XKR4: variants seen among roughly 807,000 people sequenced by gnomAD.
XKR4 encodes the protein XK-related protein 4.
Under a neutral mutation model 53.9 loss-of-function variants are expected in XKR4, and 12 were observed. The ratio of observed to expected loss-of-function variants is 0.22; its 90% CI spans 0.14 to 0.36. XKR4 has a LOEUF of 0.36. Among genes scored for constraint, XKR4 ranks in the 10% least tolerant of loss-of-function variants. XKR4 has a pLI of 1.00. For missense variants in XKR4, 799 were observed against 859.5 expected (o/e 0.93, Z 0.88); for synonymous variants, 354 against 362.4 (o/e 0.98, Z 0.26).
At chr8:55,386,829 C>T (rs1804324999) in intron 2 of XKR4, among the ~76,000 whole-genome samples, 1 of 152,156 alleles carries the variant, frequency 6.6e-6, no homozygotes, top group South Asian at 2.1e-4. Flanking sequence ...AGATTTTCAT[C>T]TAGGAAGAAA....
rs1002138531 is a variant in XKR4 at position 55,449,388 on chromosome 8, G to A, written c.1007-73893G>A. On this transcript the variant is annotated intron_variant, in intron 2 of 2. Transcript: ENST00000327381. ...AGGGCTGTACACACAAGTGCTGGGG[G>A]CTCGGGGCCTCACTACTGCCGAGGG... The A allele has an allele frequency of 4.9e-6, 3 of 617,114 alleles. No homozygotes were observed. In the African/African-American group the frequency reaches 5.5e-5, roughly 11 times the overall value. 38.2% of individuals were successfully genotyped at this position (617,114 alleles called of 1,614,324 possible). A position where few individuals can be genotyped will look rare whatever the true frequency, so the allele number is the denominator to read the frequency against.
intron 1 of XKR4, among the ~76,000 whole-genome samples, chr8:55,341,213 C>G (rs1189116557): frequency 2.6e-5 from 4 of 152,144 alleles, no homozygotes; most frequent in Admixed American, 2.6e-4. Context: ...TGTTCATAAG[C>G]AGGTCACCTT....
intron 1 of XKR4, among the ~76,000 whole-genome samples, chr8:55,180,541 T>A (rs984304550): frequency 6.6e-6 from 1 of 152,170 alleles, no homozygotes; most frequent in Non-Finnish European, 1.5e-5. Flanking sequence ...CGTATTCTTT[T>A]TTTTTCTTTG....
At chr8:55,490,745 T>G (rs934635398) in intron 2 of XKR4, among the ~76,000 whole-genome samples, 3 of 152,252 alleles carry the variant, frequency 2.0e-5, no homozygotes, top group Admixed American at 2.0e-4. Flanking sequence ...TTTTAAGATT[T>G]TTTTCTCTAT....
At chr8:55,363,471 G>C (rs1157034320) in intron 2 of XKR4, among the ~76,000 whole-genome samples, 2 of 152,172 alleles carry the variant, frequency 1.3e-5, no homozygotes, top group Admixed American at 6.5e-5. Context: ...TCAAATATCC[G>C]GCAAACACTG....
intron 1 of XKR4, among the ~76,000 whole-genome samples, chr8:55,330,861 C>G (rs565172680): frequency 6.6e-6 from 1 of 152,248 alleles, no homozygotes; most frequent in Non-Finnish European, 1.5e-5. Flanking sequence ...TATTGGCTCA[C>G]ATGTGACTGG....
intron 1 of XKR4, among the ~76,000 whole-genome samples, chr8:55,326,320 A>G (rs892397498): frequency 2.6e-5 from 4 of 152,172 alleles, no homozygotes; most frequent in African/African-American, 7.2e-5. Context: ...TAGTTCTCAC[A>G]ATAACCAGGC....
chr8:55,393,382 T>C lies in XKR4; in HGVS notation c.1006+35505T>C, dbSNP rs1804468839. On this transcript the variant is annotated intron_variant, in intron 2 of 2. Transcript: ENST00000327381. ...AAGTACATAAGAATAGAATGACATA[T>C]GGCTGGAATATACTTCTTAAGAAGG... Among the ~76,000 whole-genome samples the C allele has an allele frequency of 4.1e-5, 6 of 147,924 alleles. 1 individual carries two copies. The South Asian group carries it at 1.3e-3, about 31-fold the overall frequency.
intron 1 of XKR4, among the ~76,000 whole-genome samples, chr8:55,113,814 GAGA>G (rs1488611408): frequency 2.6e-5 from 4 of 152,122 alleles, no homozygotes; most frequent in Non-Finnish European, 5.9e-5. Context: ...ACTTAGAAGT[GAGA>G]AGATGTGTTT....
At chr8:55,263,379 C>T (rs1487481529) in intron 1 of XKR4, among the ~76,000 whole-genome samples, 3 of 152,146 alleles carry the variant, frequency 2.0e-5, no homozygotes, top group Admixed American at 6.5e-5. Flanking sequence ...CCTAAGTGCA[C>T]CCCATGTTGT....
intron 1 of XKR4, among the ~76,000 whole-genome samples, chr8:55,150,480 G>A (rs1056138324): frequency 2.0e-5 from 3 of 152,178 alleles, no homozygotes; most frequent in African/African-American, 7.2e-5. Context: ...TATGGTTCTT[G>A]TAAAGATATC....
chr8:55,481,138 A>G (rs1806096950), intron 2 of XKR4, among the ~76,000 whole-genome samples: 1 of 152,182 alleles, frequency 6.6e-6, no homozygotes, highest in South Asian at 2.1e-4. Flanking sequence ...ACACTACCTG[A>G]CTTCAAACTA....
intron 1 of XKR4, among the ~76,000 whole-genome samples, chr8:55,125,856 TC>T (rs1816460552): frequency 6.6e-6 from 1 of 152,204 alleles, no homozygotes; most frequent in Admixed American, 6.5e-5. Context: ...TCTGTTTGTA[TC>T]TGCTCAATAT....
chr8:55,478,059 A>G (rs1183568857), intron 2 of XKR4, among the ~76,000 whole-genome samples: 4 of 152,104 alleles, frequency 2.6e-5, no homozygotes, highest in Admixed American at 2.6e-4. Flanking sequence ...AGAGAACGCC[A>G]CAAAGATACT....
At chr8:55,120,808 C>T (rs1816380614) in intron 1 of XKR4, among the ~76,000 whole-genome samples, 1 of 152,174 alleles carries the variant, frequency 6.6e-6, no homozygotes, top group Non-Finnish European at 1.5e-5. Context: ...ATGTATTTAT[C>T]ATGACGTATC....
intron 1 of XKR4, among the ~76,000 whole-genome samples, chr8:55,303,460 T>G (rs1463521336): frequency 6.6e-6 from 1 of 152,096 alleles, no homozygotes; most frequent in Non-Finnish European, 1.5e-5. Context: ...AAAATTCTCT[T>G]TTTTGGTTGT....
chr8:55,145,614 A>T (rs987255798), intron 1 of XKR4, among the ~76,000 whole-genome samples: 1 of 152,182 alleles, frequency 6.6e-6, no homozygotes, highest in African/African-American at 2.4e-5. Context: ...TATTTTTGCA[A>T]CTTTTTGAAT....
intron 1 of XKR4, among the ~76,000 whole-genome samples, chr8:55,330,877 A>G (rs575603453): frequency 1.1e-4 from 16 of 152,262 alleles, no homozygotes; most frequent in Non-Finnish European, 1.9e-4. Context: ...ACTGGCTACA[A>G]TGATCTGCAT....
intron 2 of XKR4, among the ~76,000 whole-genome samples, chr8:55,383,591 ATGAT>A (rs1804265788): frequency 6.6e-6 from 1 of 152,228 alleles, no homozygotes; most frequent in African/African-American, 2.4e-5. Context: ...ATTTGCTAAA[ATGAT>A]TGACAGATAT....
Sources: gnomAD v4.1 joint callset for allele counts (sites outside exome capture counted in the v4.1 genomes callset) on GRCh38, gnomAD v4.1.1 for gene constraint, MANE v1.5 for transcripts, NCBI Gene and HGNC (gene_info 2026-07-23, HGNC 2026-07-21) for gene names.